Variants in BCLAF3 observed in about 807,000 individuals in gnomAD.
BCLAF3 encodes the protein transient octamer binding factor 1.
BCLAF3 carries 24 observed loss-of-function variants against 51.2 expected under a neutral mutation model. That is an observed-to-expected ratio of 0.47 (90% confidence interval 0.34 to 0.66). The LOEUF (loss-of-function observed/expected upper bound fraction) is 0.66. BCLAF3 is among the 30% of genes least tolerant of loss of function. BCLAF3 has a pLI of 0.01. For missense variants in BCLAF3, 465 were observed against 525.1 expected, an observed-to-expected ratio of 0.89 and a Z score of 1.12; for synonymous variants, 152 against 176.6, an observed-to-expected ratio of 0.86 and a Z score of 1.10.
intron 1 of BCLAF3, among the ~76,000 whole-genome samples, chrX:19,981,460 T>C (rs968445470): frequency 1.8e-5 from 2 of 112,023 alleles, no homozygotes; most frequent in Admixed American, 1.9e-4. Flanking sequence ...TGTAGAAATA[T>C]TGGAACCCTC....
At chrX:19,945,228 C>T (rs745525896) in intron 8 of BCLAF3, among the ~76,000 whole-genome samples, 6 of 109,020 alleles carry the variant, frequency 5.5e-5, no homozygotes, top group East Asian at 2.9e-4. Context: ...AATGTCCTCC[C>T]GTAGCTCAGA....
rs771945174 is a variant in BCLAF3, at chrX:19,935,823, C to T, written c.1936G>A (p.Val646Ile). ...EVEGNHRNTRVRPFKSNFRGG... is the reference protein window; with the variant it reads ...EVEGNHRNTRIRPFKSNFRGG... The stretch of plus-strand genomic sequence containing the variant: ...ACACTCAATACCTTAAAAGGTCTTA[C>T]TCTTGTGTTTCGGTGGTTTCCCTCA... The change falls in exon 10 of 12, where the codon GTA becomes ATA. Residue 646 changes from valine (V) to isoleucine (I), a missense_variant. Coordinates refer to ENST00000379682, the MANE Select transcript of BCLAF3 (RefSeq NM_001367774.2). The T allele has an allele frequency of 3.3e-6, 4 of 1,204,505 alleles. No individual in the cohort carries two copies. The African/African-American group carries it at 5.3e-5, about 16-fold the overall frequency.
intron 11 of BCLAF3, among the ~76,000 whole-genome samples, chrX:19,927,509 T>C (rs769397333): frequency 8.9e-6 from 1 of 112,278 alleles, no homozygotes; most frequent in East Asian, 2.8e-4. Context: ...ATAAAAGTTA[T>C]AAAACCACAG....
chrX:19,932,102 CT>C (rs972116107), intron 10 of BCLAF3, among the ~76,000 whole-genome samples: 5 of 111,491 alleles, frequency 4.5e-5, no homozygotes, highest in Non-Finnish European at 5.7e-5. Flanking sequence ...AATGTGTGTT[CT>C]TTTTTTTAAT....
At chrX:19,940,177 T>A (rs1169667779) in intron 8 of BCLAF3, among the ~76,000 whole-genome samples, 1 of 112,342 alleles carries the variant, frequency 8.9e-6, no homozygotes, top group Non-Finnish European at 1.9e-5. Flanking sequence ...AGAATCTATT[T>A]CCCAGCTGCC....
chrX:19,989,807 G>A (rs1603342863), intron 1 of BCLAF3, among the ~76,000 whole-genome samples: 1 of 111,206 alleles, frequency 9.0e-6, no homozygotes, highest in East Asian at 2.8e-4. Flanking sequence ...TCTTAGAAAT[G>A]TGTATAAATG....
intron 1 of BCLAF3, among the ~76,000 whole-genome samples, chrX:19,973,979 G>C (rs2072334626): frequency 1.8e-5 from 2 of 111,809 alleles, no homozygotes; most frequent in African/African-American, 6.5e-5. Flanking sequence ...TGTGAAAATG[G>C]GAACTCTCAG....
At chrX:19,948,773 C>CA (rs774401751) in intron 8 of BCLAF3, among the ~76,000 whole-genome samples, 9,245 of 71,568 alleles carry the variant, frequency 0.13, 1,097 homozygotes, top group African/African-American at 0.37. Context: ...GATCCTGTCT[C>CA]AAAAAAAAAA....
At chrX:19,973,450 CAAATGTAAGAT>C (rs1439349101) in intron 1 of BCLAF3, among the ~76,000 whole-genome samples, 9 of 111,547 alleles carry the variant, frequency 8.1e-5, no homozygotes, top group South Asian at 3.7e-4. Context: ...AAAGATTAAA[CAAATGTAAGAT>C]AGATACATCT....
Position 19,937,541 on chromosome X carries a change from G to A in BCLAF3, c.1746-9C>T, listed in dbSNP as rs761512791. 2.2e-6 allele frequency: 2 copies of A among 891,619 alleles called. No individual in the cohort carries two copies. The highest frequency in any genetic ancestry group is 5.0e-5 in the South Asian group (2 of 39,712). The allele number at this position is 891,619 out of a possible 1,213,427, so 73.5% of individuals were successfully genotyped here. A position where few individuals can be genotyped will look rare whatever the true frequency, so the allele number is the denominator to read the frequency against. On this transcript the variant is annotated splice_polypyrimidine_tract_variant and intron_variant, in intron 8 of 11. Coordinates refer to ENST00000379682, the MANE Select transcript of BCLAF3 (RefSeq NM_001367774.2). Reference sequence around the variant, plus strand: ...TGGAATTCTGATCATCCCTAATAAGGAAACAGAGAAAATAAGAATATTTTA... The same window carrying A: ...TGGAATTCTGATCATCCCTAATAAGAAAACAGAGAAAATAAGAATATTTTA...
At chrX:19,945,444 G>A (rs1197628057) in intron 8 of BCLAF3, among the ~76,000 whole-genome samples, 46 of 106,431 alleles carry the variant, frequency 4.3e-4, no homozygotes, top group African/African-American at 1.6e-3. Context: ...ATGTACAGGT[G>A]GGTTTTCGGT....
rs1230815211 is a variant in BCLAF3 at position 19,965,332 on chromosome X, C to T, written c.986G>A (p.Arg329Lys). The change falls in exon 4 of 12, where the codon AGA becomes AAA. Residue 329 changes from arginine (R) to lysine (K), a missense_variant. Physicochemically the swap from Arg to Lys is conservative, Grantham distance 26 (BLOSUM62 2). Coordinates refer to ENST00000379682, the MANE Select transcript of BCLAF3 (RefSeq NM_001367774.2). ...NRELDCFNTGRGRETQDGQVK... is the reference protein window; with the variant it reads ...NRELDCFNTGKGRETQDGQVK... ...TTGTCCATCTTGAGTCTCTCTCCCT[C>T]TTCCAGTATTAAAACAATCTAACTC... 1 of 1,209,958 alleles carries T rather than the reference C, an allele frequency of 8.3e-7. No homozygotes were observed. The highest frequency in any genetic ancestry group is 1.7e-5 in the African/African-American group (1 of 57,209).
At chrX:19,954,156 A>T (rs1256252620) in intron 5 of BCLAF3, 1 of 752,660 alleles carries the variant, frequency 1.3e-6, no homozygotes, top group Non-Finnish European at 1.6e-6. Flanking sequence ...AGGGGAAAAG[A>T]CAATGGCTCT....
At position 19,916,375 on chromosome X, in the gene BCLAF3, G is replaced by A. The variant is rs1169448317; in HGVS notation, c.*930C>T. On this transcript the variant is annotated 3_prime_UTR_variant, in exon 12 of 12. Coordinates refer to ENST00000379682, the MANE Select transcript of BCLAF3 (RefSeq NM_001367774.2). ...AGAAAACATAAAGAAATAAGGTATT[G>A]GGGCCTAAAAATTTCATTTAAAAAT... The A allele has an allele frequency of 2.7e-5, 3 of 112,404 alleles. No homozygotes were observed. The highest frequency in any genetic ancestry group is 9.7e-5 in the African/African-American group (3 of 30,935). The allele number at this position is 112,404 out of a possible 1,213,427, so 9.3% of individuals were successfully genotyped here. A position where few individuals can be genotyped will look rare whatever the true frequency, so the allele number is the denominator to read the frequency against.
At chrX:19,961,451 A>G (rs2071856021) in intron 4 of BCLAF3, among the ~76,000 whole-genome samples, 1 of 112,304 alleles carries the variant, frequency 8.9e-6, no homozygotes, top group Non-Finnish European at 1.9e-5. Flanking sequence ...GGAAGAACAA[A>G]TATCAATTCT....
intron 10 of BCLAF3, among the ~76,000 whole-genome samples, chrX:19,933,388 C>G (rs762293673): frequency 8.9e-6 from 1 of 111,992 alleles, no homozygotes; most frequent in Non-Finnish European, 1.9e-5. Context: ...TACTTAATAA[C>G]AGGAAACAGA....
chrX:19,973,877 T>C (rs754676956), intron 1 of BCLAF3, among the ~76,000 whole-genome samples: 3 of 112,254 alleles, frequency 2.7e-5, no homozygotes, highest in Non-Finnish European at 5.6e-5. Context: ...CAAATTAAGA[T>C]CATAGCCATT....
intron 8 of BCLAF3, among the ~76,000 whole-genome samples, chrX:19,947,873 T>C (rs1449108066): frequency 8.9e-6 from 1 of 112,677 alleles, no homozygotes; most frequent in East Asian, 2.8e-4. Context: ...TATGATTGCA[T>C]CATGTTTCAT....
intron 11 of BCLAF3, among the ~76,000 whole-genome samples, chrX:19,926,556 A>G (rs2070363413): frequency 9.0e-6 from 1 of 111,670 alleles, no homozygotes; most frequent in Non-Finnish European, 1.9e-5. Context: ...TATAAGCTGA[A>G]GCAGACAGTC....
Sources: gnomAD v4.1 joint callset for allele counts (sites outside exome capture counted in the v4.1 genomes callset) on GRCh38, gnomAD v4.1.1 for gene constraint, MANE v1.5 for transcripts, NCBI Gene and HGNC (gene_info 2026-07-23, HGNC 2026-07-21) for gene names.